The following ATP6V0A4 variants were observed in gnomAD, a reference collection of about 807,000 sequenced individuals.
The protein encoded by ATP6V0A4 is V-type proton ATPase 116 kDa subunit a 4.
In ATP6V0A4, 86 loss-of-function variants were observed where a neutral mutation model predicts 107.3. The ratio of observed to expected loss-of-function variants is 0.80; its 90% CI spans 0.67 to 0.96. The LOEUF is 0.96. Ranked by LOEUF, ATP6V0A4 falls within the 40% of genes least tolerant of loss-of-function variation. ATP6V0A4 has a pLI of 0.00. For synonymous variants in ATP6V0A4, 353 were observed against 381.4 expected (o/e 0.93, Z 0.87); for missense variants, 908 against 1,045.6 (o/e 0.87, Z 1.81).
intron 5 of ATP6V0A4, among the ~76,000 whole-genome samples, chr7:138,767,958 G>A (rs555431604): frequency 6.6e-6 from 1 of 152,206 alleles, no homozygotes; most frequent in African/African-American, 2.4e-5. Context: ...TTTTGAGATG[G>A]AGTCTTGCTC....
At chr7:138,733,161 C>T in intron 16 of ATP6V0A4, 68 bp from the exon 17 acceptor site, 1 of 1,601,472 alleles carries the variant, frequency 6.2e-7, no homozygotes, top group East Asian at 2.3e-5. Context: ...TAATTATTCT[C>T]TCAAAGCACA....
At chr7:138,722,118 C>T in intron 18 of ATP6V0A4, 93 bp from the exon 19 acceptor site, 1 of 1,555,528 alleles carries the variant, frequency 6.4e-7, no homozygotes. Context: ...TCAAATACTA[C>T]CTATGTACCA....
chr7:138,777,040 T>A (rs996410259), intron 2 of ATP6V0A4, among the ~76,000 whole-genome samples: 1 of 151,684 alleles, frequency 6.6e-6, no homozygotes, highest in Non-Finnish European at 1.5e-5. Flanking sequence ...TCCCAGCTAC[T>A]CAGGAGGCTG....
At chr7:138,722,052 TGC>T (rs1337478254) in intron 18 of ATP6V0A4, 27 bp from the exon 19 acceptor site, 1 of 1,613,888 alleles carries the variant, frequency 6.2e-7, no homozygotes, top group African/African-American at 1.3e-5. Context: ...AAATGAGGAA[TGC>T]GCTCAACTCA....
intron 15 of ATP6V0A4, among the ~76,000 whole-genome samples, chr7:138,737,976 G>A (rs148221551): frequency 0.012 from 1,815 of 151,868 alleles, 32 homozygotes; most frequent in African/African-American, 0.041. Flanking sequence ...TGGCCAGGCT[G>A]GTCTCGAACT....
At chr7:138,753,322 G>T (rs990016786) in intron 10 of ATP6V0A4, among the ~76,000 whole-genome samples, 3 of 152,210 alleles carry the variant, frequency 2.0e-5, no homozygotes, top group Non-Finnish European at 4.4e-5. Context: ...TGCGGAGGAC[G>T]GCCCGCAGCA....
At chr7:138,711,191 A>AT (rs1803721542) in intron 20 of ATP6V0A4, among the ~76,000 whole-genome samples, 1 of 151,982 alleles carries the variant, frequency 6.6e-6, no homozygotes, top group Non-Finnish European at 1.5e-5. Context: ...AAAGGCTGAC[A>AT]GTCGGGGAAT....
intron 15 of ATP6V0A4, among the ~76,000 whole-genome samples, chr7:138,738,618 A>G (rs1805464856): frequency 6.6e-6 from 1 of 152,214 alleles, no homozygotes; most frequent in African/African-American, 2.4e-5. Flanking sequence ...TTAGAATGCA[A>G]GTGTCCCTGG....
chr7:138,781,379 G>A (rs773540617), intron 2 of ATP6V0A4, among the ~76,000 whole-genome samples: 2 of 151,178 alleles, frequency 1.3e-5, no homozygotes, highest in African/African-American at 2.4e-5. Flanking sequence ...CACCAAGGCT[G>A]GAGTGCAGTG....
rs149456186 is a variant in ATP6V0A4, at chr7:138,742,450, A to T, written c.1478+2673T>A. ...TCAAAATAAAAAATAAATAAATAAA[A>T]AAATAAAACTCATCTCTATACTTAT... On this transcript the variant is annotated intron_variant, in intron 14 of 21. Transcript: ENST00000310018. Among the ~76,000 whole-genome samples the T allele has an allele frequency of 1.9e-3, 288 of 152,312 alleles. 3 individuals carry two copies. The highest frequency in any genetic ancestry group is 0.01 in the Middle Eastern group (3 of 294).
chr7:138,746,005 T>TATATTTATAATATA (rs1805927530), intron 13 of ATP6V0A4, among the ~76,000 whole-genome samples: 1 of 103,982 alleles, frequency 9.6e-6, no homozygotes, highest in Admixed American at 1.2e-4. Context: ...ATATAAATAA[T>TATATTTATAATATA]ATATATATTT....
chr7:138,796,182 C>T (rs1488549383), intron 1 of ATP6V0A4, among the ~76,000 whole-genome samples: 3 of 152,126 alleles, frequency 2.0e-5, no homozygotes, highest in Non-Finnish European at 1.5e-5. Context: ...GTTCCTTGAG[C>T]ACAAGGGCTG....
At chr7:138,750,063 T>A (rs1268303676) in intron 11 of ATP6V0A4, among the ~76,000 whole-genome samples, 1 of 152,140 alleles carries the variant, frequency 6.6e-6, no homozygotes, top group Non-Finnish European at 1.5e-5. Flanking sequence ...CATGTTACTC[T>A]CCTGCTTTAA....
chr7:138,728,868 A>G lies in ATP6V0A4; in HGVS notation c.1909-6T>C. Reference sequence around the variant, plus strand: ...AAGAAACTTTGGACTTCTTGCTGCAAGACCAAAATGGCGAGATCTCATCAT... The same window carrying G: ...AAGAAACTTTGGACTTCTTGCTGCAGGACCAAAATGGCGAGATCTCATCAT... On this transcript the variant is annotated splice_region_variant and splice_polypyrimidine_tract_variant and intron_variant, in intron 17 of 21. Coordinates refer to ENST00000310018, the MANE Select transcript of ATP6V0A4 (RefSeq NM_020632.3). 2 of 1,614,162 alleles carry G rather than the reference A, an allele frequency of 1.2e-6. No homozygotes were observed. Among genetic ancestry groups the G allele is most frequent in the Non-Finnish European group, 1.7e-6 (2 of 1,180,046 alleles).
intron 1 of ATP6V0A4, among the ~76,000 whole-genome samples, chr7:138,787,619 A>C (rs900005194): frequency 6.6e-6 from 1 of 152,100 alleles, no homozygotes; most frequent in Non-Finnish European, 1.5e-5. Context: ...ACCTGCGAAT[A>C]GCCACTGTAC....
intron 1 of ATP6V0A4, among the ~76,000 whole-genome samples, chr7:138,796,928 C>T (rs1808696037): frequency 6.6e-6 from 1 of 152,204 alleles, no homozygotes; most frequent in South Asian, 2.1e-4. Flanking sequence ...AGTTACTCCT[C>T]AGCTCAAAAT....
chr7:138,763,841 C>T (rs943393768), intron 5 of ATP6V0A4, among the ~76,000 whole-genome samples: 2 of 150,842 alleles, frequency 1.3e-5, no homozygotes, highest in Non-Finnish European at 3.0e-5. Flanking sequence ...AGAAATTAGC[C>T]GGGCAAAACT....
chr7:138,723,497 A>G (rs1235714698), intron 18 of ATP6V0A4, among the ~76,000 whole-genome samples: 1 of 151,176 alleles, frequency 6.6e-6, no homozygotes, highest in Non-Finnish European at 1.5e-5. Flanking sequence ...ATTAGGCATC[A>G]ACGTATCTGG....
intron 15 of ATP6V0A4, 143 bp downstream of exon 15, chr7:138,739,397 G>T: frequency 9.5e-7 from 1 of 1,049,330 alleles, no homozygotes; most frequent in Non-Finnish European, 1.4e-6. Context: ...GGCTCTATGT[G>T]TCACAAAAAC....
Sources: allele counts gnomAD v4.1 joint callset (sites outside exome capture counted in the v4.1 genomes callset), GRCh38; gene constraint gnomAD v4.1.1; transcripts MANE v1.5; gene names NCBI Gene and HGNC (gene_info 2026-07-23, HGNC 2026-07-21).